The following PAM16 variants were observed in gnomAD, a reference collection of about 807,000 sequenced individuals.
PAM16 encodes the protein mitochondrial import inner membrane translocase subunit TIM16.
PAM16 carries 11 observed loss-of-function variants against 17.9 expected under a neutral mutation model. That is an observed-to-expected ratio of 0.62 (90% CI 0.39 to 1.02). The LOEUF is 1.02. Ranked by LOEUF, PAM16 falls within the 50% of genes least tolerant of loss-of-function variation. The pLI is 0.01. For missense variants in PAM16, 199 were observed against 165.4 expected, an observed-to-expected ratio of 1.20 and a Z score of -1.11; for synonymous variants, 72 against 67.4, an observed-to-expected ratio of 1.07 and a Z score of -0.34.
chr16:4,349,338 C>A (rs1269528142), intron 1 of PAM16, among the ~76,000 whole-genome samples: 1 of 152,152 alleles, frequency 6.6e-6, no homozygotes, highest in African/African-American at 2.4e-5. Flanking sequence ...GAGTCCGAGG[C>A]AGGAGGACTG....
rs1160538530 is a variant in PAM16, at chr16:4,341,512, G to C, written c.89-8C>G. The C allele has an allele frequency of 5.0e-6, 8 of 1,604,728 alleles. No individual in the cohort carries two copies. The highest frequency in any genetic ancestry group is 1.7e-5 in the Admixed American group (1 of 59,254). ...CAGCTGCGGCCCGGCTGGCTGTGTG[G>C]ACATGTGGGTGATCGCTCAGTCCTC... On this transcript the variant is annotated splice_polypyrimidine_tract_variant and splice_region_variant and intron_variant, in intron 2 of 4. Coordinates refer to ENST00000318059, the MANE Select transcript of PAM16 (RefSeq NM_016069.11).
chr16:4,340,567 G>C (rs1352368081), intron 4 of PAM16, among the ~76,000 whole-genome samples, 162 bp from the exon 5 acceptor site: 1 of 152,200 alleles, frequency 6.6e-6, no homozygotes, highest in Non-Finnish European at 1.5e-5. Context: ...GGGTGGCCTG[G>C]GGAGACAGAG....
intron 1 of PAM16, chr16:4,343,680 G>A (rs1195498005): frequency 6.2e-6 from 4 of 643,940 alleles, no homozygotes; most frequent in East Asian, 3.3e-5. Context: ...CCCTGGGGCC[G>A]ACCATCACTC....
At chr16:4,350,973 G>C in intron 1 of PAM16, 1 of 306,614 alleles carries the variant, frequency 3.3e-6, no homozygotes, top group African/African-American at 2.2e-5. Flanking sequence ...ACGGCTGCTC[G>C]CTCACACGCG....
intron 1 of PAM16, chr16:4,343,851 C>T (rs553935082): frequency 7.5e-6 from 3 of 399,938 alleles, no homozygotes; most frequent in African/African-American, 6.2e-5. Context: ...TAAAAGCCCA[C>T]TAGGAGGGTA....
chr16:4,340,511 G>A, intron 4 of PAM16, 106 bp from the exon 5 acceptor site: 8 of 1,261,452 alleles, frequency 6.3e-6, no homozygotes, highest in Non-Finnish European at 8.8e-6. Flanking sequence ...TTTTTGAAGG[G>A]CAGTGGGTGG....
chr16:4,344,496 C>G (rs111208291), intron 1 of PAM16, among the ~76,000 whole-genome samples: 328 of 18,614 alleles, frequency 0.018, no homozygotes, highest in East Asian at 0.024. Flanking sequence ...GGAGGGGGTT[C>G]TGTGAGAGGA....
chr16:4,340,874 A>G (rs759428567), intron 4 of PAM16, 46 bp downstream of exon 4: 3 of 1,609,226 alleles, frequency 1.9e-6, no homozygotes, highest in Admixed American at 3.3e-5. Flanking sequence ...AGGTGAGAAG[A>G]AGGGGTCCCA....
At chr16:4,341,662 G>T in intron 2 of PAM16, 158 bp from the exon 3 acceptor site, 1 of 1,265,394 alleles carries the variant, frequency 7.9e-7, no homozygotes, top group Non-Finnish European at 1.1e-6. Context: ...TTCCTTTTTA[G>T]GGGGTAGAGG....
At chr16:4,343,340 A>ACTC in intron 1 of PAM16, 49 bp from the exon 2 acceptor site, 1 of 1,561,674 alleles carries the variant, frequency 6.4e-7, no homozygotes, top group Non-Finnish European at 8.7e-7. Context: ...CTGTGGGCCC[A>ACTC]CAGAGATGGG....
chr16:4,343,271 G>A lies in PAM16; in HGVS notation c.24C>T (p.Ile8=), dbSNP rs781392710. MAKYLAQ[I]IVMGVQVVGR... ...CCACCACCTGCACGCCCATCACAAT[G>A]ATCTGGGCCAGGTACTTGGCCTGTG... is the stretch of plus-strand genomic sequence containing the variant. The change falls in exon 2 of 5, where the codon ATC becomes ATT. Residue 8 remains isoleucine (I), a synonymous_variant. Transcript: ENST00000318059. The A allele has an allele frequency of 4.3e-6, 7 of 1,612,378 alleles. No individual in the cohort carries two copies. The Admixed American group carries it at 1.2e-4, about 27-fold the overall frequency.
intron 1 of PAM16, chr16:4,345,847 C>T (rs769942176): frequency 1.4e-4 from 138 of 985,180 alleles, no homozygotes; most frequent in East Asian, 2.3e-4. Context: ...GGATGGGATG[C>T]TGGTGCTGTC....
rs1190805833 is a variant in PAM16, at chr16:4,350,385, C to T, written c.3+847G>A. 2.7e-5 allele frequency among the ~76,000 whole-genome samples: 4 copies of T among 149,514 alleles called. No individual in the cohort carries two copies. The East Asian group carries it at 5.8e-4, about 22-fold the overall frequency. ...AATATGTAGTATACATAAATGTATA[C>T]GGTATATATAATACATATATATAAT... On this transcript the variant is annotated intron_variant, in intron 1 of 4. Transcript: ENST00000318059.
At chr16:4,349,852 G>A (rs1462050296) in intron 1 of PAM16, among the ~76,000 whole-genome samples, 1 of 152,126 alleles carries the variant, frequency 6.6e-6, no homozygotes, top group Non-Finnish European at 1.5e-5. Flanking sequence ...GCATGACTAT[G>A]GTGGAGTCAA....
intron 4 of PAM16, among the ~76,000 whole-genome samples, 170 bp from the exon 5 acceptor site, chr16:4,340,575 G>C (rs1298523694): frequency 6.6e-6 from 1 of 152,216 alleles, no homozygotes; most frequent in African/African-American, 2.4e-5. Context: ...TGGGGAGACA[G>C]AGCTGGGCTG....
chr16:4,344,188 G>A (rs1357757051), intron 1 of PAM16: 15 of 382,572 alleles, frequency 3.9e-5, no homozygotes, highest in African/African-American at 2.3e-5. Context: ...TTCGGTGAGA[G>A]GAGGGGGTTC....
chr16:4,347,627 G>A (rs1426748285), intron 1 of PAM16: 3 of 152,320 alleles, frequency 2.0e-5, no homozygotes, highest in African/African-American at 7.2e-5. Context: ...CTTCTGCCAT[G>A]GGTCAGGCTG....
intron 1 of PAM16, chr16:4,343,610 CTG>C: frequency 7.3e-7 from 1 of 1,371,464 alleles, no homozygotes; most frequent in African/African-American, 1.5e-5. Flanking sequence ...GGAAGAAACA[CTG>C]TGGTCTGGGA....
chr16:4,351,115 G>T, intron 1 of PAM16, 117 bp downstream of exon 1: 1 of 487,782 alleles, frequency 2.1e-6, no homozygotes, highest in Non-Finnish European at 3.2e-6. Flanking sequence ...CATGCTTCCC[G>T]CCGGGCACGC....
Sources: allele counts gnomAD v4.1 joint callset (sites outside exome capture counted in the v4.1 genomes callset), GRCh38; gene constraint gnomAD v4.1.1; transcripts MANE v1.5; gene names NCBI Gene and HGNC (gene_info 2026-07-23, HGNC 2026-07-21).